Variants in PHACTR3 observed in about 807,000 individuals in gnomAD.
PHACTR3 encodes protein phosphatase 1, regulatory subunit 123.
A neutral mutation model predicts 66.8 loss-of-function variants in PHACTR3; 16 were observed. That is an observed-to-expected ratio of 0.24 (90% CI 0.16 to 0.36). The LOEUF (loss-of-function observed/expected upper bound fraction) is 0.36. PHACTR3 is among the 10% of genes least tolerant of loss of function. PHACTR3 has a pLI of 1.00. For missense variants in PHACTR3, 647 were observed against 719.9 expected (o/e 0.90, Z 1.16); for synonymous variants, 323 against 292.1 (o/e 1.11, Z -1.08).
upstream of PHACTR3, among the ~76,000 whole-genome samples, chr20:59,602,560 T>A (rs6026990): frequency 0.16 from 24,016 of 151,854 alleles, 3,046 homozygotes; most frequent in East Asian, 0.33. Context: ...AGGCTAAAAA[T>A]CATAGGGATG....
intron 1 of PHACTR3, among the ~76,000 whole-genome samples, chr20:59,582,965 AC>A (rs2032906125): frequency 6.6e-6 from 1 of 150,438 alleles, no homozygotes; most frequent in Non-Finnish European, 1.5e-5. Flanking sequence ...GTCTTAAGAA[AC>A]CCTCTTCTGC....
At position 59,659,579 on chromosome 20, in the gene PHACTR3, G is replaced by C. The variant is rs1379854431; in HGVS notation, c.118+54447G>C. Among the ~76,000 whole-genome samples, 4 of 152,038 alleles carry C rather than the reference G, an allele frequency of 2.6e-5. No individual in the cohort carries two copies. The East Asian group carries it at 7.7e-4, about 29-fold the overall frequency. Reference sequence around the variant, plus strand: ...GTAGAGACAGGGTTTCACCATATTGGCTAGGATGATCTGGATCTCTTGACC... The same window carrying C: ...GTAGAGACAGGGTTTCACCATATTGCCTAGGATGATCTGGATCTCTTGACC... On this transcript the variant is annotated intron_variant, in intron 1 of 12. Transcript: ENST00000371015.
chr20:59,840,282 T>C (rs1169341323), intron 9 of PHACTR3, 87 bp from the exon 10 acceptor site: 3 of 1,517,288 alleles, frequency 2.0e-6, no homozygotes, highest in African/African-American at 2.8e-5. Context: ...AATATGGATA[T>C]CTTGGGAACA....
chr20:59,825,443 C>CTCATTCAT (rs758404757), intron 8 of PHACTR3, among the ~76,000 whole-genome samples: 25 of 152,298 alleles, frequency 1.6e-4, no homozygotes, highest in Admixed American at 3.3e-4. Flanking sequence ...CACTCATTCA[C>CTCATTCAT]TCATTCATTC....
intron 2 of PHACTR3, among the ~76,000 whole-genome samples, chr20:59,745,565 G>A (rs2039336193): frequency 6.6e-6 from 1 of 152,232 alleles, no homozygotes; most frequent in African/African-American, 2.4e-5. Context: ...TAAAGCAGGG[G>A]GTGTTATTTG....
intron 4 of PHACTR3, among the ~76,000 whole-genome samples, chr20:59,756,834 G>A (rs2146828077): frequency 6.6e-6 from 1 of 151,808 alleles, no homozygotes; most frequent in South Asian, 2.1e-4. Context: ...CCCCCACCAA[G>A]CAATGGCAAC....
intron 1 of PHACTR3, among the ~76,000 whole-genome samples, chr20:59,636,285 A>T (rs753102271): frequency 6.6e-6 from 1 of 152,218 alleles, no homozygotes; most frequent in Non-Finnish European, 1.5e-5. Context: ...CAGGTCGCAG[A>T]TAGCAGACTT....
intron 7 of PHACTR3, among the ~76,000 whole-genome samples, chr20:59,804,835 C>G (rs1487692632): frequency 6.6e-6 from 1 of 152,174 alleles, no homozygotes; most frequent in African/African-American, 2.4e-5. Context: ...GTTCAACTGA[C>G]TTTCTTGCTT....
intron 1 of PHACTR3, among the ~76,000 whole-genome samples, chr20:59,682,086 T>A (rs1302476151): frequency 6.6e-6 from 1 of 151,424 alleles, no homozygotes; most frequent in African/African-American, 2.4e-5. Context: ...ATGCCTGTAA[T>A]CCCAGCATTT....
At chr20:59,601,326 T>G (rs778318631), upstream of PHACTR3, among the ~76,000 whole-genome samples, 13 of 152,272 alleles carry the variant, frequency 8.5e-5, no homozygotes, top group Non-Finnish European at 4.4e-5. Flanking sequence ...TGGCTGCATA[T>G]TATCCTACAG....
chr20:59,748,989 A>C (rs112110850), intron 3 of PHACTR3, among the ~76,000 whole-genome samples: 3 of 152,272 alleles, frequency 2.0e-5, no homozygotes, highest in Admixed American at 6.5e-5. Context: ...TCGAAGAGTG[A>C]AGTATTTTGA....
intron 4 of PHACTR3, among the ~76,000 whole-genome samples, chr20:59,764,287 C>T (rs1050601040): frequency 6.6e-5 from 10 of 152,114 alleles, no homozygotes; most frequent in Non-Finnish European, 1.2e-4. Flanking sequence ...TGCCCTTCCT[C>T]CCTGGTATGA....
At chr20:59,680,164 G>A (rs1052250223) in intron 1 of PHACTR3, among the ~76,000 whole-genome samples, 8 of 152,118 alleles carry the variant, frequency 5.3e-5, no homozygotes, top group African/African-American at 1.9e-4. Context: ...AGGGTTCCGT[G>A]TGGGGATGTG....
chr20:59,760,900 C>A lies in PHACTR3; in HGVS notation c.541+5536C>A, dbSNP rs1301941870. 3.3e-5 allele frequency among the ~76,000 whole-genome samples: 5 copies of A among 152,072 alleles called. No homozygotes were observed. In the South Asian group the frequency reaches 6.2e-4, roughly 19 times the overall value. The stretch of plus-strand genomic sequence containing the variant: ...GCGTGTTCTGTGTGCACTCTATTAT[C>A]TTATAACAGCCTCATATTTTTGGAT... On this transcript the variant is annotated intron_variant, in intron 4 of 12. Coordinates refer to ENST00000371015, the MANE Select transcript of PHACTR3 (RefSeq NM_080672.5).
chr20:59,681,238 G>C (rs149697566), intron 1 of PHACTR3, among the ~76,000 whole-genome samples: 93 of 152,290 alleles, frequency 6.1e-4, no homozygotes, highest in African/African-American at 2.2e-3. Flanking sequence ...TGTTTCTGTG[G>C]GCTGGCTGTC....
chr20:59,594,383 A>G (rs2033268900), intron 1 of PHACTR3, among the ~76,000 whole-genome samples: 1 of 151,916 alleles, frequency 6.6e-6, no homozygotes, highest in African/African-American at 2.4e-5. Flanking sequence ...TCATTTGTGA[A>G]CAAAGACAGT....
At chr20:59,677,747 C>T (rs1358445009) in intron 1 of PHACTR3, among the ~76,000 whole-genome samples, 1 of 152,064 alleles carries the variant, frequency 6.6e-6, no homozygotes, top group Non-Finnish European at 1.5e-5. Flanking sequence ...GTGTGGTTTG[C>T]GTGTTGTTCT....
At chr20:59,799,618 A>G (rs914520475) in intron 7 of PHACTR3, among the ~76,000 whole-genome samples, 3 of 152,150 alleles carry the variant, frequency 2.0e-5, no homozygotes, top group African/African-American at 7.2e-5. Flanking sequence ...GATTAGTGTC[A>G]GAATGGTACA....
At chr20:59,686,765 TGATG>T (rs1455137865) in intron 1 of PHACTR3, among the ~76,000 whole-genome samples, 12 of 150,796 alleles carry the variant, frequency 8.0e-5, no homozygotes, top group Non-Finnish European at 5.9e-5. Context: ...ATGGTGATGA[TGATG>T]GTGATGATGA....
Sources: gnomAD v4.1 joint callset for allele counts (sites outside exome capture counted in the v4.1 genomes callset) on GRCh38, gnomAD v4.1.1 for gene constraint, MANE v1.5 for transcripts, NCBI Gene and HGNC (gene_info 2026-07-23, HGNC 2026-07-21) for gene names.